The following PDZD9 variants were observed in gnomAD, a reference collection of about 807,000 sequenced individuals.
PDZD9 encodes PDZ domain containing 9.
A neutral mutation model predicts 16.3 loss-of-function variants in PDZD9; 13 were observed. That is an observed-to-expected ratio of 0.80 (90% CI 0.52 to 1.27). The LOEUF is 1.27. Among genes scored for constraint, PDZD9 ranks in the 50% most tolerant of loss-of-function variants. The pLI is 0.00. For synonymous variants in PDZD9, 120 were observed against 111.0 expected, an observed-to-expected ratio of 1.08 and a Z score of -0.51; for missense variants, 288 against 310.9, an observed-to-expected ratio of 0.93 and a Z score of 0.55.
chr16:21,957,562 G>T, the PDZD9 span: 1 of 1,613,978 alleles, frequency 6.2e-7, no homozygotes, highest in South Asian at 1.1e-5. Flanking sequence ...CTTACATCCA[G>T]TCTGGTGAGT....
chr16:21,973,830 CT>C, the PDZD9 span: 2 of 1,487,182 alleles, frequency 1.3e-6, no homozygotes, highest in Non-Finnish European at 1.8e-6. Context: ...TCTAGGCAAA[CT>C]TAAAGAAATC....
the PDZD9 span, among the ~76,000 whole-genome samples, chr16:21,965,085 A>G: frequency 6.6e-6 from 1 of 152,176 alleles, no homozygotes; most frequent in African/African-American, 2.4e-5. Context: ...CGGCAGAACC[A>G]TAACTAGATG....
the PDZD9 span, chr16:21,965,640 C>T: frequency 2.2e-5 from 15 of 681,130 alleles, no homozygotes; most frequent in Non-Finnish European, 3.1e-5. Flanking sequence ...TTTTCATCCA[C>T]CTGCTTTTTA....
chr16:21,981,248 A>T (rs903716688), downstream of PDZD9, among the ~76,000 whole-genome samples: 1 of 152,030 alleles, frequency 6.6e-6, no homozygotes, highest in African/African-American at 2.4e-5. Context: ...TCCCTACAAT[A>T]TTGAGCTGTT....
At position 21,984,260 on chromosome 16, in the gene PDZD9, A is replaced by C; in HGVS notation, c.*7T>G. ...GCAAGATAAATGCTCATATGACCAC[A>C]GATTTGCTAACCAACCTTTGATACC... On this transcript the variant is annotated 3_prime_UTR_variant, in exon 4 of 4. Transcript: ENST00000424898. 7 of 1,601,882 alleles carry C rather than the reference A, an allele frequency of 4.4e-6. No individual in the cohort carries two copies. Among genetic ancestry groups the C allele is most frequent in the Non-Finnish European group, 6.0e-6 (7 of 1,172,384 alleles).
chr16:21,968,483 T>G, the PDZD9 span: 1 of 540,546 alleles, frequency 1.8e-6, no homozygotes, highest in African/African-American at 2.0e-5. Flanking sequence ...CCAGGGTAAT[T>G]CACCTCAGTT....
At chr16:21,997,936 C>G (rs1211252151) in intron 1 of PDZD9, among the ~76,000 whole-genome samples, 1 of 152,112 alleles carries the variant, frequency 6.6e-6, no homozygotes, top group Non-Finnish European at 1.5e-5. Flanking sequence ...CCCCCAGCTC[C>G]CTACCTCTGG....
At chr16:21,964,622 C>T in the PDZD9 span, among the ~76,000 whole-genome samples, 1 of 152,100 alleles carries the variant, frequency 6.6e-6, no homozygotes, top group Non-Finnish European at 1.5e-5. Context: ...AATGATTTCC[C>T]CTGGGAAACA....
At chr16:21,986,463 C>T (rs912235391) in intron 3 of PDZD9, among the ~76,000 whole-genome samples, 1 of 152,198 alleles carries the variant, frequency 6.6e-6, no homozygotes, top group African/African-American at 2.4e-5. Context: ...TATGTAATCA[C>T]ATGAGCCCAG....
chr16:21,962,506 C>T, the PDZD9 span: 31 of 1,613,978 alleles, frequency 1.9e-5, no homozygotes, highest in South Asian at 4.4e-5. Context: ...GGAATGCCTG[C>T]GGGGTGATGT....
At chr16:21,996,556 A>G in intron 1 of PDZD9, 55 bp from the exon 2 acceptor site, 2 of 1,456,076 alleles carry the variant, frequency 1.4e-6, no homozygotes, top group Non-Finnish European at 9.2e-7. Flanking sequence ...AAGCATGGCC[A>G]TACCTACTGG....
the PDZD9 span, among the ~76,000 whole-genome samples, chr16:21,965,875 GGTCTTGCT>G: frequency 6.6e-6 from 1 of 151,972 alleles, no homozygotes; most frequent in African/African-American, 2.4e-5. Context: ...TTAAATACGG[GGTCTTGCT>G]GTGTTGCCTA....
At chr16:21,978,623 A>C in the PDZD9 span, among the ~76,000 whole-genome samples, 11 of 152,294 alleles carry the variant, frequency 7.2e-5, no homozygotes, top group Non-Finnish European at 1.3e-4. Flanking sequence ...ACCTAGATCT[A>C]AGTTCTAGTC....
Position 21,985,754 on chromosome 16 carries a change from C to A in PDZD9, c.402-1094G>T, listed in dbSNP as rs1302429876. On this transcript the variant is annotated intron_variant, in intron 3 of 3. Transcript: ENST00000424898. ...AGACTTCTGGTGTTATCACTAATAA[C>A]CTTGGCAGTCTGCCTGTTGTATTTG... Among the ~76,000 whole-genome samples the A allele has an allele frequency of 1.3e-5, 2 of 152,186 alleles. 1 individual carries two copies. The highest frequency in any genetic ancestry group is 3.8e-4 in the East Asian group (2 of 5,206).
chr16:21,973,964 A>G, the PDZD9 span: 4 of 1,608,218 alleles, frequency 2.5e-6, no homozygotes, highest in Non-Finnish European at 8.5e-7. Context: ...CCCAGGCCAC[A>G]GCTGCTGGAG....
intron 2 of PDZD9, among the ~76,000 whole-genome samples, chr16:21,991,723 C>T (rs749418388): frequency 6.6e-6 from 1 of 152,058 alleles, no homozygotes; most frequent in African/African-American, 2.4e-5. Flanking sequence ...TGGGAGGAAA[C>T]GGGGTCAAAG....
chr16:21,986,479 T>G (rs1176885582), intron 3 of PDZD9, among the ~76,000 whole-genome samples: 1 of 152,214 alleles, frequency 6.6e-6, no homozygotes, highest in Non-Finnish European at 1.5e-5. Flanking sequence ...CCCAGGCTTT[T>G]AGAGTCGTGC....
At chr16:21,991,525 G>A (rs1416883697) in intron 2 of PDZD9, among the ~76,000 whole-genome samples, 2 of 152,064 alleles carry the variant, frequency 1.3e-5, no homozygotes, top group African/African-American at 2.4e-5. Flanking sequence ...GTGTGCTATC[G>A]CACCCGGCCT....
downstream of PDZD9, chr16:21,980,659 C>T (rs1427781800): frequency 6.2e-7 from 1 of 1,614,152 alleles, no homozygotes; most frequent in South Asian, 1.1e-5. Context: ...ATCCACAGTC[C>T]TTCAGCAGAT....
Sources: gnomAD v4.1 joint callset for allele counts (sites outside exome capture counted in the v4.1 genomes callset) on GRCh38, gnomAD v4.1.1 for gene constraint, MANE v1.5 for transcripts, NCBI Gene and HGNC (gene_info 2026-07-23, HGNC 2026-07-21) for gene names.